The following PDE3B variants were observed in gnomAD, a reference collection of about 807,000 sequenced individuals.
The protein encoded by PDE3B is phosphodiesterase 3B.
Under a neutral mutation model 116.8 loss-of-function variants are expected in PDE3B, and 66 were observed. The observed-to-expected ratio is 0.56, with a 90% CI of 0.46 to 0.69. The LOEUF (loss-of-function observed/expected upper bound fraction) is 0.69. PDE3B is among the 30% of genes least tolerant of loss of function. PDE3B has a pLI of 0.00. For missense variants in PDE3B, 1,384 were observed against 1,368.1 expected (o/e 1.01, Z -0.18); for synonymous variants, 595 against 533.6 (o/e 1.12, Z -1.59).
chr11:14,819,049 T>C (rs1859427129), intron 6 of PDE3B, 87 bp from the exon 7 acceptor site: 1 of 805,188 alleles, frequency 1.2e-6, no homozygotes, highest in African/African-American at 1.7e-5. Context: ...GGATCTTGGT[T>C]AAAAATTAAA....
chr11:14,827,983 C>G (rs1290956950), intron 7 of PDE3B, among the ~76,000 whole-genome samples: 2 of 152,258 alleles, frequency 1.3e-5, no homozygotes, highest in South Asian at 4.1e-4. Flanking sequence ...ACCAATGGGA[C>G]AGAATAGAGA....
chr11:14,741,498 G>T (rs1417349028), intron 1 of PDE3B, among the ~76,000 whole-genome samples: 1 of 151,798 alleles, frequency 6.6e-6, no homozygotes, highest in Non-Finnish European at 1.5e-5. Context: ...ATATGAGATG[G>T]GTCTCCTGAA....
chr11:14,677,602 G>T (rs1854569026), intron 1 of PDE3B, among the ~76,000 whole-genome samples: 1 of 152,044 alleles, frequency 6.6e-6, no homozygotes. Flanking sequence ...TTTACCATGA[G>T]TATAGATTTT....
chr11:14,784,043 A>C (rs1052432627), intron 2 of PDE3B, among the ~76,000 whole-genome samples: 6 of 152,098 alleles, frequency 3.9e-5, no homozygotes, highest in Non-Finnish European at 8.8e-5. Flanking sequence ...CATGCAAGGG[A>C]TTTGGGGTTG....
intron 1 of PDE3B, among the ~76,000 whole-genome samples, chr11:14,736,434 A>G (rs888114373): frequency 6.6e-6 from 1 of 152,212 alleles, no homozygotes; most frequent in Non-Finnish European, 1.5e-5. Flanking sequence ...TCTTTGGTAC[A>G]TATTTTCTTT....
At chr11:14,807,246 T>G (rs1254253889) in intron 5 of PDE3B, among the ~76,000 whole-genome samples, 1 of 152,106 alleles carries the variant, frequency 6.6e-6, no homozygotes, top group Non-Finnish European at 1.5e-5. Context: ...CCCTAGAACT[T>G]AAAGTATAAT....
chr11:14,880,074 CA>C, the PDE3B span: 1 of 1,576,806 alleles, frequency 6.3e-7, no homozygotes, highest in Non-Finnish European at 8.7e-7. Context: ...GGCCAAGACT[CA>C]AAAACATGTA....
At chr11:14,663,619 C>T (rs1414556282) in intron 1 of PDE3B, among the ~76,000 whole-genome samples, 1 of 152,106 alleles carries the variant, frequency 6.6e-6, no homozygotes, top group Non-Finnish European at 1.5e-5. Context: ...GGGTTGCAAT[C>T]CTAGTCTCTG....
chr11:14,643,894 C>A lies in PDE3B; in HGVS notation c.-182C>A. On this transcript the variant is annotated 5_prime_UTR_variant, in exon 1 of 16. Transcript: ENST00000282096. ...CCGCCCCTCTCCTCAGCCAGCATGT[C>A]CCGGACTCCGCCGCTCCTCAGTCCG... 1 of 875,670 alleles carries A rather than the reference C, an allele frequency of 1.1e-6. No individual in the cohort carries two copies. Among genetic ancestry groups the A allele is most frequent in the Non-Finnish European group, 1.6e-6 (1 of 628,512 alleles). The allele number at this position is 875,670 out of a possible 1,614,324, so 54.2% of individuals were successfully genotyped here.
At chr11:14,704,728 T>TCA (rs1185379813) in intron 1 of PDE3B, among the ~76,000 whole-genome samples, 1 of 151,616 alleles carries the variant, frequency 6.6e-6, no homozygotes, top group Non-Finnish European at 1.5e-5. Flanking sequence ...GACTCTTACC[T>TCA]CACATCATGC....
At chr11:14,811,682 T>G (rs1329325657) in intron 5 of PDE3B, among the ~76,000 whole-genome samples, 1 of 151,898 alleles carries the variant, frequency 6.6e-6, no homozygotes, top group Non-Finnish European at 1.5e-5. Flanking sequence ...GTGAAGAAAG[T>G]CATTGGTAGC....
In PDE3B at chr11:14,806,719, C is replaced by A. The variant is rs187500570; in HGVS notation, c.1522+2669C>A. Among the ~76,000 whole-genome samples the A allele has an allele frequency of 6.2e-3, 941 of 150,888 alleles. 29 individuals are homozygous for A. The highest frequency in any genetic ancestry group is 0.044 in the Admixed American group (669 of 15,156). On this transcript the variant is annotated intron_variant, in intron 5 of 15. Transcript: ENST00000282096. ...CTAAAAATACAAAAAATTAGCCGGG[C>A]GTAGTGGCGGGCGCCTGTAGTCCCA... is the stretch of plus-strand genomic sequence containing the variant.
At chr11:14,681,961 A>G (rs1307478307) in intron 1 of PDE3B, among the ~76,000 whole-genome samples, 2 of 152,228 alleles carry the variant, frequency 1.3e-5, no homozygotes, top group African/African-American at 4.8e-5. Flanking sequence ...AAGCCTTACC[A>G]TCAACATAAA....
intron 1 of PDE3B, among the ~76,000 whole-genome samples, chr11:14,677,577 T>G (rs1335726803): frequency 6.6e-6 from 1 of 152,194 alleles, no homozygotes; most frequent in Non-Finnish European, 1.5e-5. Context: ...TTTTTTGGTG[T>G]ATGGTTCTAT....
intron 1 of PDE3B, among the ~76,000 whole-genome samples, chr11:14,662,548 T>A (rs1245350264): frequency 6.6e-6 from 1 of 151,984 alleles, no homozygotes; most frequent in African/African-American, 2.4e-5. Flanking sequence ...GCAAAGAAGT[T>A]GAAAACTTTG....
At chr11:14,779,777 C>T (rs1053681969) in intron 2 of PDE3B, among the ~76,000 whole-genome samples, 1 of 152,138 alleles carries the variant, frequency 6.6e-6, no homozygotes, top group African/African-American at 2.4e-5. Flanking sequence ...GCAAAATAAC[C>T]AGCTAACATC....
intron 1 of PDE3B, among the ~76,000 whole-genome samples, chr11:14,770,085 T>C (rs935269816): frequency 6.6e-6 from 1 of 151,352 alleles, no homozygotes; most frequent in Non-Finnish European, 1.5e-5. Context: ...CTCTGTTTGA[T>C]GGTATTATTG....
At chr11:14,750,890 G>A (rs1857042535) in intron 1 of PDE3B, among the ~76,000 whole-genome samples, 1 of 151,782 alleles carries the variant, frequency 6.6e-6, no homozygotes, top group Non-Finnish European at 1.5e-5. Context: ...ATTTTTTTTA[G>A]GCAGCCAGAC....
intron 1 of PDE3B, among the ~76,000 whole-genome samples, chr11:14,683,349 AT>A (rs1854769474): frequency 6.6e-6 from 1 of 151,838 alleles, no homozygotes; most frequent in Non-Finnish European, 1.5e-5. Flanking sequence ...TGTTGAACTT[AT>A]TTAATAGTTA....
Sources: gnomAD v4.1 joint callset for allele counts (sites outside exome capture counted in the v4.1 genomes callset) on GRCh38, gnomAD v4.1.1 for gene constraint, MANE v1.5 for transcripts, NCBI Gene and HGNC (gene_info 2026-07-23, HGNC 2026-07-21) for gene names.